SLC35F1: variants seen among roughly 807,000 people sequenced by gnomAD.
SLC35F1 encodes the protein solute carrier family 35 member F1, also known as chromosome 6 open reading frame 169.
Under a neutral mutation model 48.7 loss-of-function variants are expected in SLC35F1, and 14 were observed. The observed-to-expected ratio is 0.29, with a 90% CI of 0.19 to 0.45. SLC35F1 has a LOEUF of 0.45. Among genes scored for constraint, SLC35F1 ranks in the 20% least tolerant of loss-of-function variants. The pLI is 1.00. For missense variants in SLC35F1, 404 were observed against 500.0 expected, an observed-to-expected ratio of 0.81 and a Z score of 1.83; for synonymous variants, 190 against 202.2, an observed-to-expected ratio of 0.94 and a Z score of 0.51.
chr6:118,204,589 A>G (rs1774911144), intron 2 of SLC35F1, among the ~76,000 whole-genome samples: 1 of 152,186 alleles, frequency 6.6e-6, no homozygotes, highest in Non-Finnish European at 1.5e-5. Flanking sequence ...TGACTTACCT[A>G]CTGAACAGAG....
chr6:118,270,573 T>C (rs1775837690), intron 4 of SLC35F1, among the ~76,000 whole-genome samples: 1 of 152,198 alleles, frequency 6.6e-6, no homozygotes, highest in Non-Finnish European at 1.5e-5. Context: ...ATAGGATGCT[T>C]CCACGCCTTT....
chr6:117,993,380 T>G (rs778195520), intron 1 of SLC35F1, among the ~76,000 whole-genome samples: 1 of 152,176 alleles, frequency 6.6e-6, no homozygotes, highest in Non-Finnish European at 1.5e-5. Context: ...TTAGCTGATA[T>G]TTTTACAGAA....
intron 3 of SLC35F1, among the ~76,000 whole-genome samples, chr6:118,249,038 G>A (rs527968493): frequency 2.6e-5 from 4 of 152,332 alleles, no homozygotes; most frequent in Admixed American, 1.3e-4. Context: ...GAACCAGGGC[G>A]TGGGCCCCTA....
chr6:118,227,378 T>C (rs1447450204), intron 2 of SLC35F1, among the ~76,000 whole-genome samples: 1 of 152,194 alleles, frequency 6.6e-6, no homozygotes, highest in East Asian at 1.9e-4. Flanking sequence ...GGGGTATAAA[T>C]ATGTACTTAG....
chr6:117,965,734 G>A (rs1370241917), intron 1 of SLC35F1, among the ~76,000 whole-genome samples: 1 of 152,208 alleles, frequency 6.6e-6, no homozygotes, highest in East Asian at 1.9e-4. Context: ...CAGTTCTGGT[G>A]TTGGCAGTGA....
At chr6:118,279,191 G>C (rs1357730677) in intron 6 of SLC35F1, among the ~76,000 whole-genome samples, 4 of 152,178 alleles carry the variant, frequency 2.6e-5, no homozygotes, top group Non-Finnish European at 2.9e-5. Context: ...ATTAATCAAT[G>C]GTTGAGGTGA....
chr6:118,005,935 G>A lies in SLC35F1; in HGVS notation c.173+98036G>A, dbSNP rs1311847010. 4.6e-5 allele frequency among the ~76,000 whole-genome samples: 7 copies of A among 152,182 alleles called. No individual in the cohort carries two copies. In the South Asian group the frequency reaches 1.5e-3, roughly 32 times the overall value. On this transcript the variant is annotated intron_variant, in intron 1 of 7. Transcript: ENST00000360388. ...TCCCAGCCTACCTTGGCACATAGATGCTGCCTAGAATTGTTAATTATTTTT... is the reference window on the plus strand; with the variant it reads ...TCCCAGCCTACCTTGGCACATAGATACTGCCTAGAATTGTTAATTATTTTT...
Position 118,170,371 on chromosome 6 carries a change from TCTACAAAGAAGCC to T in SLC35F1, c.349+15752_349+15764del, listed in dbSNP as rs1173906379. Among the ~76,000 whole-genome samples the T allele has an allele frequency of 2.0e-5, 3 of 152,226 alleles. No homozygotes were observed. The East Asian group carries it at 5.8e-4, about 29-fold the overall frequency. ...TTGCTAATATGTTTATATGCTAAAT[TCTACAAAGAAGCC>T]GTGGAGAGCCAAGAGACTCTGAGAC... On this transcript the variant is annotated intron_variant, in intron 2 of 7. Transcript: ENST00000360388.
rs1205793908 is a variant in SLC35F1, at chr6:118,121,372, A to C, written c.174-33073A>C. ...AAGGGCTTTTTATACAGCTCTATCT[A>C]ATCTTCATAGAACCACTGAAAGTTA... On this transcript the variant is annotated intron_variant, in intron 1 of 7. Coordinates refer to ENST00000360388, the MANE Select transcript of SLC35F1 (RefSeq NM_001029858.4). Among the ~76,000 whole-genome samples, 4 of 152,196 alleles carry C rather than the reference A, an allele frequency of 2.6e-5. No individual in the cohort carries two copies. The South Asian group carries it at 6.2e-4, about 24-fold the overall frequency.
chr6:118,115,137 G>A (rs1282226692), intron 1 of SLC35F1, among the ~76,000 whole-genome samples: 2 of 152,146 alleles, frequency 1.3e-5, no homozygotes, highest in Non-Finnish European at 2.9e-5. Context: ...TACAACTTTA[G>A]CTATAATTCC....
chr6:117,998,124 C>A (rs1336969092), intron 1 of SLC35F1, among the ~76,000 whole-genome samples: 1 of 149,878 alleles, frequency 6.7e-6, no homozygotes, highest in Non-Finnish European at 1.5e-5. Flanking sequence ...GGGTTGCAAT[C>A]CTATTCTCTG....
Position 118,314,651 on chromosome 6 carries a change from C to A in SLC35F1, c.*399C>A, listed in dbSNP as rs1301127636. 4.7e-6 allele frequency: 1 copy of A among 213,062 alleles called. No homozygotes were observed. Among genetic ancestry groups the A allele is most frequent in the Non-Finnish European group, 9.7e-6 (1 of 103,096 alleles). 13.2% of individuals were successfully genotyped at this position (213,062 alleles called of 1,614,324 possible). A position where few individuals can be genotyped will look rare whatever the true frequency, so the allele number is the denominator to read the frequency against. ...CAGACCCACATGTAGTCAACATAAA[C>A]CCCACTTTTCTATGGCAATTCACTT... On this transcript the variant is annotated 3_prime_UTR_variant, in exon 8 of 8. Transcript: ENST00000360388.
intron 2 of SLC35F1, among the ~76,000 whole-genome samples, chr6:118,158,383 T>C (rs1158749943): frequency 6.6e-6 from 1 of 152,142 alleles, no homozygotes; most frequent in Non-Finnish European, 1.5e-5. Context: ...GAGGGAAGGA[T>C]GGAAAGTGTG....
chr6:118,041,956 A>G (rs1281280950), intron 1 of SLC35F1, among the ~76,000 whole-genome samples: 2 of 151,846 alleles, frequency 1.3e-5, no homozygotes, highest in African/African-American at 4.8e-5. Context: ...AAAAAAAAAA[A>G]GCATCATCTG....
At chr6:118,203,454 G>T (rs1774895510) in intron 2 of SLC35F1, among the ~76,000 whole-genome samples, 1 of 152,240 alleles carries the variant, frequency 6.6e-6, no homozygotes, top group Non-Finnish European at 1.5e-5. Flanking sequence ...TAAGTGGCTT[G>T]CTGTAGTCTC....
At chr6:118,092,013 G>A (rs1049687859) in intron 1 of SLC35F1, among the ~76,000 whole-genome samples, 1 of 152,164 alleles carries the variant, frequency 6.6e-6, no homozygotes, top group African/African-American at 2.4e-5. Flanking sequence ...AAGCATTCAA[G>A]AGAAAGCAGA....
At chr6:117,998,507 T>C (rs1268279646) in intron 1 of SLC35F1, among the ~76,000 whole-genome samples, 3 of 152,258 alleles carry the variant, frequency 2.0e-5, no homozygotes, top group Middle Eastern at 3.4e-3. Flanking sequence ...TATTCCAAAA[T>C]TGACCACATA....
chr6:118,132,871 A>G (rs1197392923), intron 1 of SLC35F1, among the ~76,000 whole-genome samples: 3 of 152,158 alleles, frequency 2.0e-5, no homozygotes, highest in African/African-American at 7.2e-5. Flanking sequence ...GGCGGGGTAT[A>G]TCTGCTGTCT....
At chr6:118,110,403 A>G (rs1327329033) in intron 1 of SLC35F1, among the ~76,000 whole-genome samples, 1 of 152,142 alleles carries the variant, frequency 6.6e-6, no homozygotes, top group Non-Finnish European at 1.5e-5. Context: ...AAGCTCAGGG[A>G]GAACTGACAT....
Sources: gnomAD v4.1 joint callset for allele counts (sites outside exome capture counted in the v4.1 genomes callset) on GRCh38, gnomAD v4.1.1 for gene constraint, MANE v1.5 for transcripts, NCBI Gene and HGNC (gene_info 2026-07-23, HGNC 2026-07-21) for gene names.